The following LRP1B variants were observed in gnomAD, a reference collection of about 807,000 sequenced individuals.
The protein encoded by LRP1B is low-density lipoprotein receptor-related protein 1B.
LRP1B carries 217 observed loss-of-function variants against 556.6 expected under a neutral mutation model. That is an observed-to-expected ratio of 0.39 (90% CI 0.35 to 0.44). The LOEUF (loss-of-function observed/expected upper bound fraction) is 0.44, where lower values mean the gene tolerates loss of function less well. Ranked by LOEUF, LRP1B falls within the 20% of genes least tolerant of loss-of-function variation. The pLI is 1.00. For missense variants in LRP1B, 5,053 were observed against 5,620.8 expected (o/e 0.90, Z 3.23); for synonymous variants, 2,047 against 1,865.8 (o/e 1.10, Z -2.50).
intron 9 of LRP1B, among the ~76,000 whole-genome samples, chr2:141,058,315 C>T (rs1302626005): frequency 2.0e-5 from 3 of 151,672 alleles, no homozygotes; most frequent in Admixed American, 2.0e-4. Flanking sequence ...TTGCTGGTGG[C>T]TTTTTATATT....
At chr2:140,542,940 C>T (rs1680192406) in intron 43 of LRP1B, among the ~76,000 whole-genome samples, 1 of 152,150 alleles carries the variant, frequency 6.6e-6, no homozygotes, top group Non-Finnish European at 1.5e-5. Flanking sequence ...TCCCCAAGTT[C>T]ACACGGGTCC....
intron 2 of LRP1B, among the ~76,000 whole-genome samples, chr2:141,772,556 T>C (rs1042375310): frequency 2.6e-5 from 4 of 152,182 alleles, no homozygotes; most frequent in Admixed American, 6.5e-5. Context: ...CCGGCGCTGG[T>C]GGATTCACAA....
chr2:141,923,503 G>C (rs1286039874), intron 1 of LRP1B, among the ~76,000 whole-genome samples: 4 of 142,982 alleles, frequency 2.8e-5, no homozygotes, highest in Non-Finnish European at 4.6e-5. Context: ...GAGGGAGGGA[G>C]GGGGAGAGAG....
intron 2 of LRP1B, among the ~76,000 whole-genome samples, chr2:141,707,783 G>A (rs1179990451): frequency 6.6e-6 from 1 of 152,132 alleles, no homozygotes; most frequent in African/African-American, 2.4e-5. Flanking sequence ...AATAAAAGAG[G>A]CAGGTGTAAA....
At chr2:141,207,200 G>A (rs1009065306) in intron 6 of LRP1B, among the ~76,000 whole-genome samples, 3 of 152,126 alleles carry the variant, frequency 2.0e-5, no homozygotes, top group Non-Finnish European at 4.4e-5. Context: ...ACCACTTCCT[G>A]ATTTAAGTGG....
At chr2:141,442,421 C>T (rs1235757384) in intron 3 of LRP1B, among the ~76,000 whole-genome samples, 1 of 129,816 alleles carries the variant, frequency 7.7e-6, no homozygotes. Context: ...AATCTTCACA[C>T]ATTCTTTTTT....
intron 2 of LRP1B, among the ~76,000 whole-genome samples, chr2:141,705,487 G>C (rs1037353407): frequency 2.6e-5 from 4 of 151,944 alleles, no homozygotes; most frequent in Non-Finnish European, 5.9e-5. Flanking sequence ...TTAAATGTAG[G>C]TAGTGCTTAA....
chr2:141,170,397 T>G (rs1347738020), intron 7 of LRP1B, among the ~76,000 whole-genome samples: 2 of 152,102 alleles, frequency 1.3e-5, no homozygotes, highest in Non-Finnish European at 2.9e-5. Flanking sequence ...TTTCTAAAAC[T>G]ATTTCCTTCT....
intron 18 of LRP1B, among the ~76,000 whole-genome samples, chr2:140,967,720 A>G (rs1471835821): frequency 6.6e-6 from 1 of 151,946 alleles, no homozygotes. Context: ...TCCCATCAAT[A>G]CCTAATTTAT....
At chr2:141,399,715 A>G (rs985514297) in intron 3 of LRP1B, among the ~76,000 whole-genome samples, 1 of 152,194 alleles carries the variant, frequency 6.6e-6, no homozygotes, top group Non-Finnish European at 1.5e-5. Flanking sequence ...AATTCTGAGA[A>G]GTAGACACTG....
intron 4 of LRP1B, 107 bp downstream of exon 4, chr2:141,254,415 A>T (rs1243596901): frequency 9.2e-7 from 1 of 1,091,946 alleles, no homozygotes; most frequent in African/African-American, 1.6e-5. Context: ...AGAAAAGTTA[A>T]CATAAACACT....
intron 3 of LRP1B, among the ~76,000 whole-genome samples, chr2:141,414,367 G>A (rs72985163): frequency 0.15 from 12,470 of 84,542 alleles, 617 homozygotes; most frequent in East Asian, 0.29. Context: ...GAGGAAGAGC[G>A]GAAAGGAGGG....
intron 3 of LRP1B, among the ~76,000 whole-genome samples, chr2:141,368,594 G>A (rs1256915250): frequency 3.3e-5 from 5 of 152,164 alleles, no homozygotes; most frequent in Non-Finnish European, 1.5e-5. Flanking sequence ...ATGCATAATG[G>A]ATACCTCACA....
chr2:141,064,259 T>A (rs1699420366), intron 7 of LRP1B, among the ~76,000 whole-genome samples: 1 of 151,872 alleles, frequency 6.6e-6, no homozygotes, highest in African/African-American at 2.4e-5. Context: ...ATTAAGAAAA[T>A]GTCACTGAAT....
chr2:140,695,420 T>G (rs1180666834), intron 41 of LRP1B, among the ~76,000 whole-genome samples: 5 of 152,132 alleles, frequency 3.3e-5, no homozygotes, highest in Non-Finnish European at 7.3e-5. Flanking sequence ...GGCACAGCTT[T>G]ATTTCAGGCT....
intron 3 of LRP1B, among the ~76,000 whole-genome samples, chr2:141,318,710 G>A (rs1453856409): frequency 6.6e-6 from 1 of 152,080 alleles, no homozygotes; most frequent in Non-Finnish European, 1.5e-5. Context: ...CTCCTTTGAG[G>A]GAGGAACCCT....
intron 1 of LRP1B, among the ~76,000 whole-genome samples, chr2:141,877,925 C>T (rs992121514): frequency 2.6e-5 from 4 of 151,814 alleles, no homozygotes; most frequent in African/African-American, 9.7e-5. Context: ...GCTTATAGTA[C>T]AATTTATTTA....
intron 1 of LRP1B, among the ~76,000 whole-genome samples, chr2:142,048,368 C>T (rs1017764737): frequency 3.9e-5 from 6 of 151,994 alleles, no homozygotes; most frequent in African/African-American, 1.4e-4. Context: ...AGTAGGGATT[C>T]CCCTCATAAG....
At chr2:141,135,185 C>A (rs896924014) in intron 7 of LRP1B, among the ~76,000 whole-genome samples, 1 of 151,706 alleles carries the variant, frequency 6.6e-6, no homozygotes, top group African/African-American at 2.4e-5. Context: ...GTAAAAAATT[C>A]TTATTAATAT....
Sources: allele counts gnomAD v4.1 joint callset (sites outside exome capture counted in the v4.1 genomes callset), GRCh38; gene constraint gnomAD v4.1.1; transcripts MANE v1.5; gene names NCBI Gene and HGNC (gene_info 2026-07-23, HGNC 2026-07-21).